ZC3H14: variants seen among roughly 807,000 people sequenced by gnomAD.
The protein encoded by ZC3H14 is zinc finger CCCH-type containing 14.
ZC3H14 carries 31 observed loss-of-function variants against 92.4 expected under a neutral mutation model. That is an observed-to-expected ratio of 0.34 (90% confidence interval 0.25 to 0.45). The LOEUF is 0.45. Among genes scored for constraint, ZC3H14 ranks in the 20% least tolerant of loss-of-function variants. The pLI is 1.00. For synonymous variants in ZC3H14, 321 were observed against 300.9 expected, an observed-to-expected ratio of 1.07 and a Z score of -0.69; for missense variants, 781 against 897.3, an observed-to-expected ratio of 0.87 and a Z score of 1.66.
chr14:88,573,447 T>C (rs2080739365), intron 6 of ZC3H14, among the ~76,000 whole-genome samples: 1 of 152,088 alleles, frequency 6.6e-6, no homozygotes, highest in Non-Finnish European at 1.5e-5. Context: ...TTATTTTACT[T>C]TTTGAGAAGG....
Position 88,572,758 on chromosome 14 carries a change from A to G in ZC3H14, c.612A>G (p.Thr204=), listed in dbSNP as rs1440541475. Residue 204 remains threonine, a synonymous_variant, in exon 6 of 17, where the codon ACA becomes ACG. Transcript: ENST00000251038. ...LSQKKPTVTL[T]YGSSRPSIEI... ...AGAAAAAACCTACAGTGACACTTAC[A>G]TATGGTTCTTCTCGCCCTTCTATTG... 6.2e-7 allele frequency: 1 copy of G among 1,614,244 alleles called. No individual in the cohort carries two copies. Among genetic ancestry groups the G allele is most frequent in the South Asian group, 1.1e-5 (1 of 91,090 alleles).
intron 13 of ZC3H14, among the ~76,000 whole-genome samples, chr14:88,607,611 A>G (rs184867409): frequency 1.7e-5 from 2 of 121,170 alleles, no homozygotes; most frequent in African/African-American, 6.9e-5. Context: ...CCCTGTAACT[A>G]CCATCCCATC....
At chr14:88,564,210 T>C (rs1173537269) in intron 2 of ZC3H14, among the ~76,000 whole-genome samples, 1 of 152,260 alleles carries the variant, frequency 6.6e-6, no homozygotes, top group Admixed American at 6.5e-5. Context: ...GCTTCTGTAA[T>C]GGTTCAGTGA....
intron 1 of ZC3H14, 136 bp from the exon 2 acceptor site, chr14:88,563,515 G>A (rs1057247815): frequency 2.3e-5 from 36 of 1,567,806 alleles, no homozygotes; most frequent in Non-Finnish European, 2.8e-5. Flanking sequence ...GGGCGGTGCA[G>A]GCGAGGCTCC....
chr14:88,622,587 C>T lies in ZC3H14; in HGVS notation c.*10836C>T. Reference sequence around the variant, plus strand: ...TCTGTTTTCTGCTGCACTGTATCAGCTCATGGAACATCTTACTTTGCCTCT... The same window carrying T: ...TCTGTTTTCTGCTGCACTGTATCAGTTCATGGAACATCTTACTTTGCCTCT... On this transcript the variant is annotated 3_prime_UTR_variant, in exon 17 of 17. Coordinates refer to ENST00000251038, the MANE Select transcript of ZC3H14 (RefSeq NM_024824.5). 6.3e-7 allele frequency: 1 copy of T among 1,582,250 alleles called. No individual in the cohort carries two copies. The highest frequency in any genetic ancestry group is 8.6e-7 in the Non-Finnish European group (1 of 1,163,076).
rs748396293 is a variant in ZC3H14, at chr14:88,616,826, T to A, written c.*5075T>A. 22 of 1,613,826 alleles carry A rather than the reference T, an allele frequency of 1.4e-5. No individual in the cohort carries two copies. The highest frequency in any genetic ancestry group is 1.8e-5 in the Non-Finnish European group (21 of 1,179,858). On this transcript the variant is annotated 3_prime_UTR_variant, in exon 17 of 17. Coordinates refer to ENST00000251038, the MANE Select transcript of ZC3H14 (RefSeq NM_024824.5). Reference sequence around the variant, plus strand: ...ATGAGATACACAGGCACAGTTGACATCAGCTTTCTCAGCATGTCTGGACCA... The same window carrying A: ...ATGAGATACACAGGCACAGTTGACAACAGCTTTCTCAGCATGTCTGGACCA...
chr14:88,602,169 GC>G, intron 11 of ZC3H14, 86 bp downstream of exon 11: 1 of 1,574,196 alleles, frequency 6.4e-7, no homozygotes. Flanking sequence ...CCTCCTCCCC[GC>G]CCTAACCGCT....
chr14:88,578,241 TG>T, intron 9 of ZC3H14, 101 bp downstream of exon 9: 1 of 1,456,314 alleles, frequency 6.9e-7, no homozygotes, highest in Non-Finnish European at 9.5e-7. Flanking sequence ...ATGAAAAAAG[TG>T]ATGATTAAGC....
chr14:88,620,846 T>G lies in ZC3H14; in HGVS notation c.*9095T>G. ...AAATGATAAATTCTCCATTTTTCAT[T>G]CCAATAGCCACCATGTCCCCTTCAG... On this transcript the variant is annotated 3_prime_UTR_variant, in exon 17 of 17. Coordinates refer to ENST00000251038, the MANE Select transcript of ZC3H14 (RefSeq NM_024824.5). The surrounding 1 kb of genome is among the most constrained non-coding windows in gnomAD (Gnocchi z 4.3). 1 of 1,594,766 alleles carries G rather than the reference T, an allele frequency of 6.3e-7. No individual in the cohort carries two copies. The highest frequency in any genetic ancestry group is 2.3e-5 in the East Asian group (1 of 44,356).
chr14:88,616,608 G>T lies in ZC3H14; in HGVS notation c.*4857G>T. 1.9e-6 allele frequency: 2 copies of T among 1,060,920 alleles called. No homozygotes were observed. The highest frequency in any genetic ancestry group is 1.3e-6 in the Non-Finnish European group (1 of 756,898). 65.7% of individuals were successfully genotyped at this position (1,060,920 alleles called of 1,614,324 possible). A position where few individuals can be genotyped will look rare whatever the true frequency, so the allele number is the denominator to read the frequency against. ...ATTTCAAAGTAAATAGATTTAGAAA[G>T]TTTGGGGAAAAATTTAGAAATTAGG... On this transcript the variant is annotated 3_prime_UTR_variant, in exon 17 of 17. Transcript: ENST00000251038.
At chr14:88,581,552 T>C (rs917070590) in intron 9 of ZC3H14, among the ~76,000 whole-genome samples, 1 of 151,982 alleles carries the variant, frequency 6.6e-6, no homozygotes, top group Non-Finnish European at 1.5e-5. Context: ...CAGAGTGAGA[T>C]TCCGTCTCAA....
chr14:88,620,530 A>C lies in ZC3H14; in HGVS notation c.*8779A>C, dbSNP rs984477280. ...AAGTGTTAACATGAATTCATCAAAC[A>C]TTACCTACTAGTACTTGCTATTATA... On this transcript the variant is annotated 3_prime_UTR_variant, in exon 17 of 17. Coordinates refer to ENST00000251038, the MANE Select transcript of ZC3H14 (RefSeq NM_024824.5). The surrounding 1 kb of genome is among the most constrained non-coding windows in gnomAD (Gnocchi z 4.3). The C allele has an allele frequency of 7.8e-6, 3 of 384,548 alleles. No homozygotes were observed. The East Asian group carries it at 1.2e-4, about 15-fold the overall frequency. The allele number at this position is 384,548 out of a possible 1,614,324, so 23.8% of individuals were successfully genotyped here.
chr14:88,608,423 G>T (rs1480993833), intron 13 of ZC3H14: 5 of 328,522 alleles, frequency 1.5e-5, no homozygotes, highest in African/African-American at 1.1e-4. Flanking sequence ...ACCTTATTTT[G>T]TTTTTGTTTT....
intron 9 of ZC3H14, among the ~76,000 whole-genome samples, chr14:88,582,385 G>C (rs2082005161): frequency 6.6e-6 from 1 of 152,116 alleles, no homozygotes; most frequent in South Asian, 2.1e-4. Context: ...GAAAAATAGT[G>C]TTTGGGACAC....
chr14:88,567,630 G>C (rs2079874787), intron 2 of ZC3H14, among the ~76,000 whole-genome samples: 2 of 152,086 alleles, frequency 1.3e-5, no homozygotes, highest in African/African-American at 4.8e-5. Context: ...CAAGGGTAAA[G>C]ATGTTCACTT....
At chr14:88,567,572 G>A (rs540317208) in intron 2 of ZC3H14, among the ~76,000 whole-genome samples, 27 of 151,938 alleles carry the variant, frequency 1.8e-4, no homozygotes, top group African/African-American at 4.3e-4. Context: ...TTGTTTATTC[G>A]ATGTTGCTAC....
At chr14:88,569,145 G>A (rs912713353) in intron 3 of ZC3H14, among the ~76,000 whole-genome samples, 1 of 152,066 alleles carries the variant, frequency 6.6e-6, no homozygotes, top group East Asian at 1.9e-4. Context: ...GGGGTTATAG[G>A]TATGAGCCAC....
chr14:88,581,446 A>G (rs1183490462), intron 9 of ZC3H14, among the ~76,000 whole-genome samples: 1 of 152,144 alleles, frequency 6.6e-6, no homozygotes, highest in African/African-American at 2.4e-5. Context: ...CTGTAGTCCT[A>G]GCTACTCGGG....
intron 10 of ZC3H14, among the ~76,000 whole-genome samples, chr14:88,601,194 A>G (rs1051380245): frequency 2.0e-5 from 3 of 152,220 alleles, no homozygotes; most frequent in Non-Finnish European, 2.9e-5. Context: ...TTGTTCAGTA[A>G]ATACTCAGTG....
Sources: gnomAD v4.1 joint callset for allele counts (sites outside exome capture counted in the v4.1 genomes callset) on GRCh38, gnomAD v4.1.1 for gene constraint, Gnocchi (gnomAD v3.1) non-coding constraint, MANE v1.5 for transcripts, NCBI Gene and HGNC (gene_info 2026-07-23, HGNC 2026-07-21) for gene names.